SULT1C2: variants seen among roughly 807,000 people sequenced by gnomAD.
SULT1C2 encodes the protein sulfotransferase family 1C member 2.
A neutral mutation model predicts 36.0 loss-of-function variants in SULT1C2; 27 were observed. That is an observed-to-expected ratio of 0.75 (90% CI 0.55 to 1.03). SULT1C2 has a LOEUF of 1.03. Among genes scored for constraint, SULT1C2 ranks in the 50% least tolerant of loss-of-function variants. The pLI is 0.00. For synonymous variants in SULT1C2, 121 were observed against 116.0 expected, an observed-to-expected ratio of 1.04 and a Z score of -0.27; for missense variants, 395 against 359.2, an observed-to-expected ratio of 1.10 and a Z score of -0.80.
At position 108,305,561 on chromosome 2, in the gene SULT1C2, C is replaced by A. The variant is rs1329001260; in HGVS notation, c.744C>A (p.Ile248=). The A allele has an allele frequency of 6.2e-7, 1 of 1,614,052 alleles. No individual in the cohort carries two copies. Among genetic ancestry groups the A allele is most frequent in the Non-Finnish European group, 8.5e-7 (1 of 1,180,026 alleles). The change falls in exon 7 of 8, where the codon ATC becomes ATA. Residue 248 remains isoleucine (I), a synonymous_variant. Coordinates refer to ENST00000251481, the MANE Select transcript of SULT1C2 (RefSeq NM_001056.4). ...ATCGTTCTACAGTTTCCAAATCTAT[C>A]TTGGACCAGTCAATTTCCTCCTTCA... is the stretch of plus-strand genomic sequence containing the variant. ...MTNRSTVSKS[I]LDQSISSFMR...
At chr2:108,296,079 C>A (rs1348765105) in intron 3 of SULT1C2, among the ~76,000 whole-genome samples, 1 of 152,158 alleles carries the variant, frequency 6.6e-6, no homozygotes, top group Non-Finnish European at 1.5e-5. Context: ...CATGAGCCAC[C>A]ACACCCAGCC....
intron 3 of SULT1C2, 113 bp downstream of exon 3, chr2:108,294,467 C>T (rs1676674634): frequency 7.9e-7 from 1 of 1,273,332 alleles, no homozygotes; most frequent in Non-Finnish European, 1.1e-6. Context: ...CCCCATCTCT[C>T]CTTCCTCTTC....
chr2:108,301,934 A>G (rs942497259), intron 4 of SULT1C2: 2 of 152,220 alleles, frequency 1.3e-5, no homozygotes, highest in African/African-American at 4.8e-5. Flanking sequence ...GAGGACTCAA[A>G]TGACTTCACT....
At chr2:108,294,821 T>C (rs1573245419) in intron 3 of SULT1C2, among the ~76,000 whole-genome samples, 1 of 152,156 alleles carries the variant, frequency 6.6e-6, no homozygotes, top group Non-Finnish European at 1.5e-5. Context: ...GAACCAATTA[T>C]TTCTGTTCAA....
chr2:108,298,750 G>T (rs1468294977), intron 3 of SULT1C2: 1 of 245,574 alleles, frequency 4.1e-6, no homozygotes, highest in Non-Finnish European at 8.3e-6. Flanking sequence ...GGTCACTAGG[G>T]GTTTAGTTCT....
At chr2:108,291,618 CAAG>C (rs1352069372) in intron 1 of SULT1C2, among the ~76,000 whole-genome samples, 2 of 151,896 alleles carry the variant, frequency 1.3e-5, no homozygotes, top group African/African-American at 4.8e-5. Flanking sequence ...TAAAAAAAAA[CAAG>C]AGGCAATTTT....
At position 108,294,934 on chromosome 2, in the gene SULT1C2, A is replaced by T. The variant is rs3769776; in HGVS notation, c.277+580A>T. 7.4e-3 allele frequency among the ~76,000 whole-genome samples: 1,127 copies of T among 152,362 alleles called. 29 individuals are homozygous for T. The East Asian group carries it at 0.092, about 12-fold the overall frequency. ...TAACCAGAATGCTATATTTCAGGTAACTGGAGCTGCTGGAACTATTTTGCA... is the reference window on the plus strand; with the variant it reads ...TAACCAGAATGCTATATTTCAGGTATCTGGAGCTGCTGGAACTATTTTGCA... On this transcript the variant is annotated intron_variant, in intron 3 of 7. Transcript: ENST00000251481.
intron 1 of SULT1C2, among the ~76,000 whole-genome samples, chr2:108,290,565 A>G (rs752293472): frequency 1.3e-5 from 2 of 152,228 alleles, no homozygotes; most frequent in African/African-American, 2.4e-5. Flanking sequence ...TGGTGGCTGA[A>G]AAGTCCAAGA....
rs1309650477 is a variant in SULT1C2 at position 108,304,388 on chromosome 2, G to C, written c.376-186G>C. 3 of 529,812 alleles carry C rather than the reference G, an allele frequency of 5.7e-6. No homozygotes were observed. The East Asian group carries it at 9.4e-5, about 17-fold the overall frequency. The allele number at this position is 529,812 out of a possible 1,614,324, so 32.8% of individuals were successfully genotyped here. On this transcript the variant is annotated intron_variant, in intron 4 of 7. Transcript: ENST00000251481. ...AATTAAAAGGACTGAGTTTGAAGTAGAGAGCAGACTTGGTGACAAAGCAGA... is the reference window on the plus strand; with the variant it reads ...AATTAAAAGGACTGAGTTTGAAGTACAGAGCAGACTTGGTGACAAAGCAGA...
Position 108,305,293 on chromosome 2 carries a change from A to G in SULT1C2, c.597+27A>G, listed in dbSNP as rs370457673. 8.7e-6 allele frequency: 14 copies of G among 1,613,372 alleles called. No homozygotes were observed. In the African/African-American group the frequency reaches 1.7e-4, roughly 20 times the overall value. ...TGAGTGAAGGCTCTGCAGAAGAACC[A>G]TTTTAAAGTGGTTCTTCAGGTGCAG... is the stretch of plus-strand genomic sequence containing the variant. On this transcript the variant is annotated intron_variant, in intron 6 of 7. Transcript: ENST00000251481.
intron 3 of SULT1C2, among the ~76,000 whole-genome samples, chr2:108,294,844 T>G (rs1328595989): frequency 6.6e-6 from 1 of 152,150 alleles, no homozygotes; most frequent in Non-Finnish European, 1.5e-5. Context: ...GAGAAGACTT[T>G]TCAGGTAATG....
At chr2:108,293,623 A>G in intron 1 of SULT1C2, 24 bp from the exon 2 acceptor site, 1 of 1,550,758 alleles carries the variant, frequency 6.4e-7, no homozygotes, top group Non-Finnish European at 8.7e-7. Context: ...TTCTTTAAAA[A>G]TCTCCTCTAT....
At chr2:108,298,399 G>A (rs1393246847) in intron 3 of SULT1C2, among the ~76,000 whole-genome samples, 3 of 151,722 alleles carry the variant, frequency 2.0e-5, no homozygotes, top group Non-Finnish European at 4.4e-5. Flanking sequence ...TTTGAGACAG[G>A]GTCTCACTCT....
At chr2:108,290,096 C>G (rs1435820589) in intron 1 of SULT1C2, among the ~76,000 whole-genome samples, 1 of 152,178 alleles carries the variant, frequency 6.6e-6, no homozygotes, top group Non-Finnish European at 1.5e-5. Flanking sequence ...GGCATTAGTT[C>G]AAGGCCAGAG....
At chr2:108,302,206 C>G (rs1167201022) in intron 4 of SULT1C2, 1 of 152,082 alleles carries the variant, frequency 6.6e-6, no homozygotes, top group Non-Finnish European at 1.5e-5. Context: ...GATAATCCAG[C>G]AATTTAAGTT....
At position 108,305,163 on chromosome 2, in the gene SULT1C2, C is replaced by G; in HGVS notation, c.503-9C>G. On this transcript the variant is annotated splice_polypyrimidine_tract_variant and intron_variant, in intron 5 of 7. Coordinates refer to ENST00000251481, the MANE Select transcript of SULT1C2 (RefSeq NM_001056.4). ...ATGTAGACTATTCTGTTTCCTGTGT[C>G]TATTTCAGTGGTTTGGGGTTCCTGG... 5 of 1,614,078 alleles carry G rather than the reference C, an allele frequency of 3.1e-6. No homozygotes were observed. Among genetic ancestry groups the G allele is most frequent in the Non-Finnish European group, 1.7e-6 (2 of 1,179,950 alleles).
At chr2:108,293,940 G>C in intron 2 of SULT1C2, 122 bp downstream of exon 2, 1 of 1,416,468 alleles carries the variant, frequency 7.1e-7, no homozygotes, top group South Asian at 1.4e-5. Context: ...GGGTTTTGGA[G>C]CTCAGGGCTC....
chr2:108,306,354 C>T (rs181180491), intron 7 of SULT1C2, among the ~76,000 whole-genome samples: 1 of 152,026 alleles, frequency 6.6e-6, no homozygotes, highest in South Asian at 2.1e-4. Context: ...GCCCATAATC[C>T]CACGTTTTGG....
Position 108,300,917 on chromosome 2 carries a change from C to G in SULT1C2, c.357C>G (p.Phe119Leu), listed in dbSNP as rs879070123. The G allele has an allele frequency of 6.2e-7, 1 of 1,614,140 alleles. No individual in the cohort carries two copies. Among genetic ancestry groups the G allele is most frequent in the Non-Finnish European group, 8.5e-7 (1 of 1,180,010 alleles). ...HLSTQLLPPSFWENNCKFLYV... is the reference protein window; with the variant it reads ...HLSTQLLPPSLWENNCKFLYV... ...CCACTCAGCTGCTGCCACCGTCTTT[C>G]TGGGAAAACAACTGCAAGGTAAGAT... is the stretch of plus-strand genomic sequence containing the variant. The change falls in exon 4 of 8, where the codon TTC (phenylalanine) becomes TTG (leucine). Residue 119 changes from phenylalanine (F) to leucine (L), a missense_variant. Coordinates refer to ENST00000251481, the MANE Select transcript of SULT1C2 (RefSeq NM_001056.4).
Sources: allele counts gnomAD v4.1 joint callset (sites outside exome capture counted in the v4.1 genomes callset), GRCh38; gene constraint gnomAD v4.1.1; transcripts MANE v1.5; gene names NCBI Gene and HGNC (gene_info 2026-07-23, HGNC 2026-07-21).